The following NRP1 variants were observed in gnomAD, a reference collection of about 807,000 sequenced individuals.
NRP1 encodes the protein neuropilin 1.
A neutral mutation model predicts 106.7 loss-of-function variants in NRP1; 35 were observed. The ratio of observed to expected loss-of-function variants is 0.33; its 90% CI spans 0.25 to 0.43. The LOEUF (loss-of-function observed/expected upper bound fraction) is 0.43. Ranked by LOEUF, NRP1 falls within the 20% of genes least tolerant of loss-of-function variation. NRP1 has a pLI of 1.00. For missense variants in NRP1, 1,024 were observed against 1,170.4 expected (o/e 0.87, Z 1.83); for synonymous variants, 437 against 417.9 (o/e 1.05, Z -0.56).
intron 2 of NRP1, among the ~76,000 whole-genome samples, chr10:33,282,962 T>C (rs1244250312): frequency 6.6e-6 from 1 of 152,172 alleles, no homozygotes; most frequent in African/African-American, 2.4e-5. Flanking sequence ...GCCAGGCTGA[T>C]CTTGAACTCC....
chr10:33,195,723 G>T (rs1836735874), intron 12 of NRP1: 1 of 356,272 alleles, frequency 2.8e-6, no homozygotes, highest in Non-Finnish European at 5.6e-6. Flanking sequence ...ACAATCAACA[G>T]AAGTCCTTCC....
At chr10:33,242,240 A>G (rs1564415087) in intron 6 of NRP1, among the ~76,000 whole-genome samples, 1 of 152,176 alleles carries the variant, frequency 6.6e-6, no homozygotes, top group Admixed American at 6.5e-5. Flanking sequence ...TAGAGGAAAT[A>G]TCATGTTAAA....
chr10:33,232,638 C>CTTTTTTTTTTTTTTTTTT (rs71030049), intron 6 of NRP1, among the ~76,000 whole-genome samples: 6 of 94,212 alleles, frequency 6.4e-5, no homozygotes, highest in Non-Finnish European at 9.9e-5. Flanking sequence ...TTTTCTTTTC[C>CTTTTTTTTTTTTTTTTTT]TTTTTTTTTT....
intron 3 of NRP1, among the ~76,000 whole-genome samples, chr10:33,269,224 CA>C (rs1843126142): frequency 6.6e-6 from 1 of 152,140 alleles, no homozygotes; most frequent in African/African-American, 2.4e-5. Context: ...AATTTATAGG[CA>C]GTTGCTAAAA....
chr10:33,180,023 A>C lies in NRP1; in HGVS notation c.*53T>G, dbSNP rs1033984964. The C allele has an allele frequency of 7.7e-6, 12 of 1,561,838 alleles. No homozygotes were observed. The Admixed American group carries it at 1.5e-4, about 20-fold the overall frequency. On this transcript the variant is annotated 3_prime_UTR_variant, in exon 17 of 17. Coordinates refer to ENST00000374867, the MANE Select transcript of NRP1 (RefSeq NM_003873.7). The stretch of plus-strand genomic sequence containing the variant: ...TGAAAGATCAACAGCTCCCCAGCTC[A>C]CTCCCGTCCTTCCACTTCCGTCCTT...
At chr10:33,235,591 A>G (rs1225154167) in intron 6 of NRP1, among the ~76,000 whole-genome samples, 1 of 152,228 alleles carries the variant, frequency 6.6e-6, no homozygotes, top group Non-Finnish European at 1.5e-5. Context: ...CCTTTTCCAT[A>G]TTATCTAGAG....
chr10:33,320,871 C>T (rs376975239), intron 2 of NRP1, among the ~76,000 whole-genome samples: 16 of 152,316 alleles, frequency 1.1e-4, no homozygotes, highest in South Asian at 6.2e-4. Flanking sequence ...GAGGACTCTA[C>T]GGAGATGGGT....
At chr10:33,247,923 C>A (rs921420594) in intron 6 of NRP1, among the ~76,000 whole-genome samples, 4 of 152,214 alleles carry the variant, frequency 2.6e-5, no homozygotes, top group Non-Finnish European at 5.9e-5. Flanking sequence ...TCAGTTTTCT[C>A]ATGTGAAGAT....
intron 6 of NRP1, among the ~76,000 whole-genome samples, chr10:33,241,732 A>G (rs979545501): frequency 1.3e-5 from 2 of 152,112 alleles, no homozygotes; most frequent in African/African-American, 4.8e-5. Flanking sequence ...AAAAAAAAAA[A>G]AGACATTCCT....
intron 2 of NRP1, among the ~76,000 whole-genome samples, chr10:33,292,063 G>T (rs186210491): frequency 6.6e-6 from 1 of 152,034 alleles, no homozygotes; most frequent in Non-Finnish European, 1.5e-5. Flanking sequence ...GCCATCACAC[G>T]TGGCTAATAT....
intron 2 of NRP1, among the ~76,000 whole-genome samples, chr10:33,282,808 C>T (rs925661762): frequency 5.3e-5 from 8 of 151,966 alleles, no homozygotes; most frequent in Non-Finnish European, 7.4e-5. Context: ...TGCAGTGGCA[C>T]GATCTTGGCT....
intron 2 of NRP1, among the ~76,000 whole-genome samples, chr10:33,316,892 A>G (rs1847078561): frequency 6.6e-6 from 1 of 152,244 alleles, no homozygotes; most frequent in Non-Finnish European, 1.5e-5. Flanking sequence ...CATGCTGAAG[A>G]CAGCTAAGTA....
At chr10:33,218,560 T>C (rs1475965132) in intron 8 of NRP1, among the ~76,000 whole-genome samples, 3 of 152,128 alleles carry the variant, frequency 2.0e-5, no homozygotes, top group Non-Finnish European at 4.4e-5. Flanking sequence ...TTAGCCAGGA[T>C]GGTCTCAATC....
chr10:33,299,061 C>T (rs145582854), intron 2 of NRP1, among the ~76,000 whole-genome samples: 2 of 152,154 alleles, frequency 1.3e-5, no homozygotes, highest in African/African-American at 4.8e-5. Context: ...TATTTTTAGC[C>T]CCACTTGGTC....
In NRP1 at chr10:33,185,588, G is replaced by C. The variant is rs145220695; in HGVS notation, c.2431+40C>G. 2.7e-3 allele frequency: 3,944 copies of C among 1,466,806 alleles called. 11 individuals carry two copies. The highest frequency in any genetic ancestry group is 3.4e-3 in the Non-Finnish European group (3,552 of 1,047,938). The allele number at this position is 1,466,806 out of a possible 1,614,324, so 90.9% of individuals were successfully genotyped here. ...TCATATTGGCAAGAGTCTTGCCCTG[G>C]GCAAGCACTCCATTGGTTTCTACAG... On this transcript the variant is annotated intron_variant, in intron 15 of 16. Transcript: ENST00000374867.
chr10:33,264,470 T>C (rs117606720), intron 3 of NRP1, among the ~76,000 whole-genome samples: 4,450 of 152,272 alleles, frequency 0.029, 101 homozygotes, highest in Non-Finnish European at 0.05. Flanking sequence ...TGGCTGTTAG[T>C]GAGGGCACGA....
chr10:33,303,364 C>G (rs1437514751), intron 2 of NRP1, among the ~76,000 whole-genome samples: 3 of 152,186 alleles, frequency 2.0e-5, no homozygotes, highest in Non-Finnish European at 4.4e-5. Context: ...TCAGAGGGCA[C>G]TTAATAAATT....
At chr10:33,329,744 T>A (rs935118205) in intron 2 of NRP1, among the ~76,000 whole-genome samples, 5 of 152,158 alleles carry the variant, frequency 3.3e-5, no homozygotes, top group South Asian at 4.2e-4. Flanking sequence ...GGTTCAAGTC[T>A]CTGGAGACTA....
intron 6 of NRP1, among the ~76,000 whole-genome samples, chr10:33,243,167 T>C (rs546668246): frequency 6.6e-6 from 1 of 152,272 alleles, no homozygotes; most frequent in East Asian, 1.9e-4. Flanking sequence ...GAGTGAAGTT[T>C]CTATGTGAAA....
Sources: gnomAD v4.1 joint callset for allele counts (sites outside exome capture counted in the v4.1 genomes callset) on GRCh38, gnomAD v4.1.1 for gene constraint, MANE v1.5 for transcripts, NCBI Gene and HGNC (gene_info 2026-07-23, HGNC 2026-07-21) for gene names.